NGLY1: variants seen among roughly 807,000 people sequenced by gnomAD.
The protein encoded by NGLY1 is N-glycanase 1.
Under a neutral mutation model 84.6 loss-of-function variants are expected in NGLY1, and 68 were observed. The ratio of observed to expected loss-of-function variants is 0.80; its 90% CI spans 0.66 to 0.98. The LOEUF (loss-of-function observed/expected upper bound fraction) is 0.98, where lower values mean the gene tolerates loss of function less well. Ranked by LOEUF, NGLY1 falls within the 50% of genes least tolerant of loss-of-function variation. NGLY1 has a pLI of 0.00. For synonymous variants in NGLY1, 280 were observed against 275.2 expected (o/e 1.02, Z -0.17); for missense variants, 779 against 770.2 (o/e 1.01, Z -0.14).
intron 2 of NGLY1, among the ~76,000 whole-genome samples, chr3:25,771,105 T>A (rs544667549): frequency 4.6e-5 from 7 of 152,358 alleles, no homozygotes; most frequent in Admixed American, 3.9e-4. Flanking sequence ...TTCTTGGTCA[T>A]GAAGTCTTCG....
At chr3:25,752,076 G>C (rs1400989181) in intron 3 of NGLY1, among the ~76,000 whole-genome samples, 1 of 152,172 alleles carries the variant, frequency 6.6e-6, no homozygotes, top group Non-Finnish European at 1.5e-5. Flanking sequence ...CAACAACTGT[G>C]GGGGAGATGC....
upstream of NGLY1, chr3:25,783,500 C>G: frequency 1.8e-6 from 2 of 1,130,890 alleles, no homozygotes; most frequent in Non-Finnish European, 2.2e-6. This position sits in a 1 kb window ranked among gnomAD's most constrained non-coding sequence, Gnocchi z 4.5. Flanking sequence ...GCGGGGTCCT[C>G]GGCCGGCAGG....
At chr3:25,750,548 A>G (rs898287153) in intron 4 of NGLY1, among the ~76,000 whole-genome samples, 1 of 152,210 alleles carries the variant, frequency 6.6e-6, no homozygotes, top group African/African-American at 2.4e-5. Context: ...AAAGCTATAG[A>G]TGGTGGTAAT....
At position 25,719,016 on chromosome 3, in the gene NGLY1, T is replaced by C. The variant is rs994229868; in HGVS notation, c.*444A>G. 4 of 152,356 alleles carry C rather than the reference T, an allele frequency of 2.6e-5. No homozygotes were observed. The highest frequency in any genetic ancestry group is 4.8e-5 in the African/African-American group (2 of 41,468). The allele number at this position is 152,356 out of a possible 1,614,324, so 9.4% of individuals were successfully genotyped here. ...ATCATATAAATTTTCATGCATTATA[T>C]AATTTATGAGCTACTGTACTTTCAC... On this transcript the variant is annotated 3_prime_UTR_variant, in exon 12 of 12. Transcript: ENST00000280700.
chr3:25,739,159 T>C (rs553460844), intron 5 of NGLY1, among the ~76,000 whole-genome samples: 1 of 152,210 alleles, frequency 6.6e-6, no homozygotes, highest in Non-Finnish European at 1.5e-5. Context: ...TTGTTAGCTA[T>C]CAGACAGTTA....
At position 25,736,065 on chromosome 3, in the gene NGLY1, A is replaced by C. The variant is rs1559535285; in HGVS notation, c.1088T>G (p.Leu363Arg). 1 of 1,613,918 alleles carries C rather than the reference A, an allele frequency of 6.2e-7. No individual in the cohort carries two copies. Among genetic ancestry groups the C allele is most frequent in the Non-Finnish European group, 8.5e-7 (1 of 1,179,896 alleles). Residue 363 changes from leucine to arginine, a missense_variant, in exon 7 of 12, where the codon CTC becomes CGC. Physicochemically the swap from Leu to Arg is moderately radical, Grantham distance 102 (BLOSUM62 -2). Transcript: ENST00000280700. ...DACEDVCDKP[L>R]LYEIGWGKKL... Reference sequence around the variant, plus strand: ...CTTGCCCCATCCTATTTCATAAAGGAGTGGCTTGTCACAGACATCTTCACA... The same window carrying C: ...CTTGCCCCATCCTATTTCATAAAGGCGTGGCTTGTCACAGACATCTTCACA...
chr3:25,732,468 A>C lies in NGLY1; in HGVS notation c.1276T>G (p.Ser426Ala). 1 of 1,613,014 alleles carries C rather than the reference A, an allele frequency of 6.2e-7. No homozygotes were observed. Among genetic ancestry groups the C allele is most frequent in the South Asian group, 1.1e-5 (1 of 90,956 alleles). ...GLNKQRQLFL[S>A]ENRRKELLQR... ...AGAAGTTCTTTCCTTCTGTTTTCTG[A>C]CAAAAACAGTTGCCTCTGTAATTCA... The change falls in exon 9 of 12, where the codon TCA (serine) becomes GCA (alanine). Residue 426 changes from serine (S) to alanine (A), a missense_variant. Physicochemically the swap from Ser to Ala is moderately conservative, Grantham distance 99. Coordinates refer to ENST00000280700, the MANE Select transcript of NGLY1 (RefSeq NM_018297.4).
intron 3 of NGLY1, among the ~76,000 whole-genome samples, chr3:25,757,827 A>C (rs1159241772): frequency 6.6e-6 from 1 of 152,216 alleles, no homozygotes; most frequent in Admixed American, 6.5e-5. Context: ...AATATTTACT[A>C]TCTGAATTAA....
chr3:25,777,251 C>T (rs1708195297), intron 2 of NGLY1, among the ~76,000 whole-genome samples: 1 of 152,058 alleles, frequency 6.6e-6, no homozygotes, highest in Admixed American at 6.6e-5. Context: ...CAAAATTAGC[C>T]AGGCGTGCTG....
chr3:25,747,407 C>T (rs112654249), intron 4 of NGLY1, among the ~76,000 whole-genome samples: 2 of 152,058 alleles, frequency 1.3e-5, no homozygotes, highest in South Asian at 2.1e-4. Context: ...GGTTAGCAGG[C>T]CTGTAGCAGA....
At chr3:25,764,847 C>G (rs1174399240) in intron 2 of NGLY1, among the ~76,000 whole-genome samples, 1 of 152,140 alleles carries the variant, frequency 6.6e-6, no homozygotes, top group Non-Finnish European at 1.5e-5. Flanking sequence ...ATGGGGTCAA[C>G]TAATTTTTCC....
intron 6 of NGLY1, 102 bp downstream of exon 6, chr3:25,737,232 G>T: frequency 2.0e-6 from 2 of 1,014,288 alleles, no homozygotes; most frequent in Non-Finnish European, 2.8e-6. Context: ...AGGTCAGACT[G>T]ACAAGGCCAA....
intron 4 of NGLY1, among the ~76,000 whole-genome samples, chr3:25,748,287 T>C (rs560150747): frequency 6.6e-6 from 1 of 152,218 alleles, no homozygotes; most frequent in East Asian, 1.9e-4. Context: ...TCCAGTATAA[T>C]AACAATGGAT....
At chr3:25,762,916 T>TGCATTCTA (rs1707384328) in intron 3 of NGLY1, among the ~76,000 whole-genome samples, 1 of 152,166 alleles carries the variant, frequency 6.6e-6, no homozygotes. Context: ...ATCGTGCCAT[T>TGCATTCTA]GCATTCTAGC....
intron 8 of NGLY1, among the ~76,000 whole-genome samples, chr3:25,732,757 T>G (rs1043267810): frequency 1.3e-5 from 2 of 152,208 alleles, no homozygotes; most frequent in Non-Finnish European, 2.9e-5. Flanking sequence ...AGGTAGCAAC[T>G]TCTGTTTCTG....
At chr3:25,767,547 GAGA>G (rs1707649446) in intron 2 of NGLY1, among the ~76,000 whole-genome samples, 1 of 152,148 alleles carries the variant, frequency 6.6e-6, no homozygotes, top group Non-Finnish European at 1.5e-5. Flanking sequence ...CTACTCCACT[GAGA>G]TAAACTGTAG....
intron 4 of NGLY1, 136 bp downstream of exon 4, chr3:25,750,962 G>A (rs1706711648): frequency 2.4e-6 from 2 of 830,114 alleles, no homozygotes; most frequent in East Asian, 5.7e-5. Context: ...TCCACGTTTG[G>A]TTTAAAAGAA....
intron 2 of NGLY1, among the ~76,000 whole-genome samples, chr3:25,777,423 C>T (rs1575664901): frequency 6.7e-6 from 1 of 149,594 alleles, no homozygotes; most frequent in East Asian, 2.0e-4. Context: ...AAAAAATTCC[C>T]AGTGGCTTCT....
At position 25,778,559 on chromosome 3, in the gene NGLY1, C is replaced by T. The variant is rs186233424; in HGVS notation, c.246+15G>A. On this transcript the variant is annotated intron_variant, in intron 2 of 11. Transcript: ENST00000280700. ...GTGCATGAAGAGGGGAGAGGAAATC[C>T]TTGAACATACTTACCTCTTCAAAGC... 80 of 1,487,506 alleles carry T rather than the reference C, an allele frequency of 5.4e-5. No homozygotes were observed. Among genetic ancestry groups the T allele is most frequent in the Middle Eastern group, 3.5e-4 (2 of 5,758 alleles). The allele number at this position is 1,487,506 out of a possible 1,614,324, so 92.1% of individuals were successfully genotyped here. A position where few individuals can be genotyped will look rare whatever the true frequency, so the allele number is the denominator to read the frequency against.
Sources: gnomAD v4.1 joint callset for allele counts (sites outside exome capture counted in the v4.1 genomes callset) on GRCh38, gnomAD v4.1.1 for gene constraint, Gnocchi (gnomAD v3.1) non-coding constraint, MANE v1.5 for transcripts, NCBI Gene and HGNC (gene_info 2026-07-23, HGNC 2026-07-21) for gene names.